Variants in SP100 observed in about 807,000 individuals in gnomAD.
SP100 encodes the protein SP100 nuclear body protein.
Under a neutral mutation model 130.0 loss-of-function variants are expected in SP100, and 84 were observed. The observed-to-expected ratio is 0.65, with a 90% CI of 0.54 to 0.77. The LOEUF (loss-of-function observed/expected upper bound fraction) is 0.77. Among genes scored for constraint, SP100 ranks in the 30% least tolerant of loss-of-function variants. The pLI, the probability that SP100 is intolerant of heterozygous loss-of-function variation, is 0.00. For synonymous variants in SP100, 331 were observed against 351.7 expected, an observed-to-expected ratio of 0.94 and a Z score of 0.66; for missense variants, 978 against 1,052.2, an observed-to-expected ratio of 0.93 and a Z score of 0.97.
intron 10 of SP100, 93 bp from the exon 11 acceptor site, chr2:230,463,974 G>A: frequency 1.2e-6 from 1 of 828,464 alleles, no homozygotes; most frequent in Non-Finnish European, 2.0e-6. Context: ...GGATTTTCAA[G>A]GTTTTCCAGG....
chr2:230,544,987 G>A lies in SP100; in HGVS notation c.*2041G>A, dbSNP rs968801422. 2.8e-4 allele frequency among the ~76,000 whole-genome samples: 42 copies of A among 152,216 alleles called. No individual in the cohort carries two copies. Among genetic ancestry groups the A allele is most frequent in the African/African-American group, 9.6e-4 (40 of 41,452 alleles). On this transcript the variant is annotated 3_prime_UTR_variant, in exon 29 of 29. Transcript: ENST00000340126. ...GAACATTTATACACTATTGATGGGA[G>A]TGTAAATTAGTTCAACCACTGTGGA...
chr2:230,442,860 A>T (rs1226303914), intron 2 of SP100, 77 bp from the exon 3 acceptor site: 2 of 1,246,476 alleles, frequency 1.6e-6, no homozygotes, highest in South Asian at 2.5e-5. Flanking sequence ...CTTGTCCTTT[A>T]TATGTAAACT....
At chr2:230,498,109 A>T (rs902873315) in intron 18 of SP100, among the ~76,000 whole-genome samples, 4 of 152,198 alleles carry the variant, frequency 2.6e-5, no homozygotes, top group African/African-American at 9.7e-5. Flanking sequence ...AGTAGATGTA[A>T]ATATCTTGTG....
At position 230,464,101 on chromosome 2, in the gene SP100, T is replaced by C. The variant is rs1204647500; in HGVS notation, c.1092T>C (p.Asp364=). 5.0e-6 allele frequency: 8 copies of C among 1,613,430 alleles called. No homozygotes were observed. Among genetic ancestry groups the C allele is most frequent in the Non-Finnish European group, 6.8e-6 (8 of 1,179,396 alleles). Residue 364 remains aspartate, a synonymous_variant, in exon 11 of 29, where the codon GAT becomes GAC. Transcript: ENST00000340126. Reference sequence around the variant, plus strand: ...ATGACAACCCTTTAGAATCAAATGATGAAAAGGAGGGCCAAGAAGCCACTT... The same window carrying C: ...ATGACAACCCTTTAGAATCAAATGACGAAAAGGAGGGCCAAGAAGCCACTT... The part of the protein sequence containing the change: ...INNDNPLESN[D]EKEGQEATCS...
rs541898243 is a variant in SP100, at chr2:230,422,956, G to A, written c.107+5291G>A. ...ATTTCTTATTTTGTATTTGTCTAGG[G>A]TTGATAGCAGAACTATAGCAGCCTC... is the stretch of plus-strand genomic sequence containing the variant. On this transcript the variant is annotated intron_variant, in intron 2 of 28. Transcript: ENST00000340126. Among the ~76,000 whole-genome samples the A allele has an allele frequency of 2.0e-5, 3 of 152,278 alleles. No homozygotes were observed. The East Asian group carries it at 5.8e-4, about 29-fold the overall frequency.
At chr2:230,480,581 G>A (rs758904939) in intron 17 of SP100, among the ~76,000 whole-genome samples, 5 of 152,186 alleles carry the variant, frequency 3.3e-5, no homozygotes, top group Non-Finnish European at 7.4e-5. Context: ...TGTACAGATT[G>A]ATCAAGGGTG....
At chr2:230,430,410 T>C (rs1346914670) in intron 2 of SP100, among the ~76,000 whole-genome samples, 1 of 152,196 alleles carries the variant, frequency 6.6e-6, no homozygotes, top group Non-Finnish European at 1.5e-5. Context: ...TGTTCCACAG[T>C]TGGGTGTTGC....
intron 10 of SP100, 89 bp downstream of exon 10, chr2:230,462,607 C>G: frequency 1.1e-6 from 1 of 943,016 alleles, no homozygotes; most frequent in Non-Finnish European, 1.7e-6. Context: ...TGAGCTCATT[C>G]TGTACAATGG....
chr2:230,521,288 G>A (rs898409358), intron 24 of SP100, among the ~76,000 whole-genome samples: 2 of 152,114 alleles, frequency 1.3e-5, no homozygotes, highest in African/African-American at 2.4e-5. Context: ...ATCTCAGAAA[G>A]CTCCATTTGT....
intron 5 of SP100, 78 bp from the exon 6 acceptor site, chr2:230,449,010 G>A: frequency 2.2e-6 from 2 of 919,270 alleles, no homozygotes; most frequent in South Asian, 1.3e-5. Context: ...ACGTTACAGA[G>A]ACCAAAAAGG....
intron 24 of SP100, among the ~76,000 whole-genome samples, chr2:230,520,888 A>T (rs1324295348): frequency 6.6e-6 from 1 of 152,244 alleles, no homozygotes; most frequent in East Asian, 1.9e-4. Flanking sequence ...ATCATTGGAT[A>T]CAGATTGCAA....
chr2:230,512,276 C>CTTTTTTTTTT (rs34753799), intron 24 of SP100, among the ~76,000 whole-genome samples: 1 of 76,068 alleles, frequency 1.3e-5, no homozygotes, highest in African/African-American at 5.0e-5. Context: ...ATTGAAATGC[C>CTTTTTTTTTT]TTTTTTTTTT....
intron 1 of SP100, chr2:230,416,651 C>A (rs571077644): frequency 1.1e-5 from 8 of 732,592 alleles, no homozygotes; most frequent in South Asian, 8.3e-5. Context: ...ATCTGTGAAC[C>A]CTTTCACCCC....
At chr2:230,466,459 T>C in intron 12 of SP100, 105 bp downstream of exon 12, 1 of 672,628 alleles carries the variant, frequency 1.5e-6, no homozygotes, top group South Asian at 1.8e-5. Context: ...CCTTGCTATA[T>C]CCTTCAAAGT....
intron 15 of SP100, among the ~76,000 whole-genome samples, chr2:230,472,836 G>A (rs987624754): frequency 1.3e-5 from 2 of 152,078 alleles, no homozygotes; most frequent in Non-Finnish European, 2.9e-5. Context: ...GATTAAAAAA[G>A]GCCTCACCCA....
intron 24 of SP100, among the ~76,000 whole-genome samples, chr2:230,522,449 C>G (rs911683978): frequency 1.4e-5 from 2 of 145,278 alleles, no homozygotes; most frequent in Non-Finnish European, 3.0e-5. Context: ...GTGATGTTCT[C>G]CTTTAGTGCT....
chr2:230,479,217 T>C (rs2065714075), intron 17 of SP100, among the ~76,000 whole-genome samples: 2 of 152,234 alleles, frequency 1.3e-5, no homozygotes, highest in Admixed American at 6.5e-5. Flanking sequence ...ATTTCCTTTC[T>C]GTCTTGTCTT....
At chr2:230,507,888 A>G in intron 22 of SP100, 105 bp from the exon 23 acceptor site, 1 of 933,190 alleles carries the variant, frequency 1.1e-6, no homozygotes, top group Non-Finnish European at 1.6e-6. Context: ...ATTTGAGTTA[A>G]TAGTGGGATA....
rs186794100 is a variant in SP100, at chr2:230,543,335, G to T, written c.*389G>T. On this transcript the variant is annotated 3_prime_UTR_variant, in exon 29 of 29. Transcript: ENST00000340126. ...AGTCAGGAAGCAGAAAAAAATAAAG[G>T]GTATCTAAATAGGCAAAGAGGAAGT... The T allele has an allele frequency of 6.2e-4, 96 of 153,890 alleles. 1 individual carries two copies. In the Middle Eastern group the frequency reaches 0.01, roughly 16 times the overall value. The allele number at this position is 153,890 out of a possible 1,614,324, so 9.5% of individuals were successfully genotyped here.
Sources: gnomAD v4.1 joint callset for allele counts (sites outside exome capture counted in the v4.1 genomes callset) on GRCh38, gnomAD v4.1.1 for gene constraint, MANE v1.5 for transcripts, NCBI Gene and HGNC (gene_info 2026-07-23, HGNC 2026-07-21) for gene names.